SMARCC1: variants seen among roughly 807,000 people sequenced by gnomAD.
The protein encoded by SMARCC1 is SWI/SNF complex subunit SMARCC1.
Under a neutral mutation model 147.4 loss-of-function variants are expected in SMARCC1, and 43 were observed. The ratio of observed to expected loss-of-function variants is 0.29; its 90% CI spans 0.23 to 0.38. The LOEUF (loss-of-function observed/expected upper bound fraction) is 0.38. SMARCC1 is among the 10% of genes least tolerant of loss of function. The pLI is 1.00. For missense variants in SMARCC1, 1,119 were observed against 1,381.1 expected, an observed-to-expected ratio of 0.81 and a Z score of 3.01; for synonymous variants, 495 against 484.4, an observed-to-expected ratio of 1.02 and a Z score of -0.29.
chr3:47,726,858 T>G (rs2034305327), intron 6 of SMARCC1, among the ~76,000 whole-genome samples: 2 of 152,222 alleles, frequency 1.3e-5, no homozygotes, highest in African/African-American at 4.8e-5. Flanking sequence ...CATATGGTAT[T>G]TCTCCATGTT....
chr3:47,728,253 A>G (rs998959955), intron 6 of SMARCC1, among the ~76,000 whole-genome samples: 1 of 150,426 alleles, frequency 6.6e-6, no homozygotes, highest in African/African-American at 2.4e-5. Context: ...CAGCCGGCTA[A>G]TTTTTGGTAT....
At chr3:47,638,832 C>T (rs778057714) in intron 21 of SMARCC1, 52 bp from the exon 22 acceptor site, 2 of 1,246,070 alleles carry the variant, frequency 1.6e-6, no homozygotes, top group Non-Finnish European at 2.4e-6. Context: ...AAGGTAAAAG[C>T]TATTATTATA....
At position 47,737,526 on chromosome 3, in the gene SMARCC1, T is replaced by C. The variant is rs149836032; in HGVS notation, c.483+503A>G. On this transcript the variant is annotated intron_variant, in intron 4 of 27. Transcript: ENST00000254480. ...ATACTCTTAAAGACAAGATTAATCA[T>C]AGCTCTAATCCCCAAACACCCATAA... Among the ~76,000 whole-genome samples the C allele has an allele frequency of 5.3e-5, 8 of 152,296 alleles. No homozygotes were observed. In the East Asian group the frequency reaches 1.4e-3, roughly 26 times the overall value.
intron 17 of SMARCC1, among the ~76,000 whole-genome samples, chr3:47,676,415 G>A (rs747866238): frequency 6.6e-5 from 10 of 152,048 alleles, no homozygotes; most frequent in East Asian, 1.9e-4. Context: ...TAAGGCATTC[G>A]GTCTTGGGAT....
intron 3 of SMARCC1, among the ~76,000 whole-genome samples, chr3:47,739,569 A>G (rs1003278741): frequency 5.9e-5 from 9 of 152,114 alleles, no homozygotes; most frequent in Non-Finnish European, 1.3e-4. Flanking sequence ...CCTGAGCTCA[A>G]ACAATCCTCC....
intron 21 of SMARCC1, among the ~76,000 whole-genome samples, chr3:47,656,009 G>A (rs369802439): frequency 2.6e-5 from 4 of 152,082 alleles, no homozygotes; most frequent in East Asian, 1.9e-4. Flanking sequence ...TCAGGAGTTC[G>A]AGACCAGCCT....
rs79939383 is a variant in SMARCC1, at chr3:47,654,127, A to C, written c.2320+7167T>G. Among the ~76,000 whole-genome samples, 10 of 152,358 alleles carry C rather than the reference A, an allele frequency of 6.6e-5. No individual in the cohort carries two copies. The East Asian group carries it at 1.9e-3, about 29-fold the overall frequency. On this transcript the variant is annotated intron_variant, in intron 21 of 27. Transcript: ENST00000254480. ...AAATGTGTTTTCAAAACATACATGT[A>C]AAAACACATCCCTCATTTGGCAAAG...
At chr3:47,763,891 T>G (rs973416940) in intron 2 of SMARCC1, among the ~76,000 whole-genome samples, 9 of 151,746 alleles carry the variant, frequency 5.9e-5, no homozygotes, top group Non-Finnish European at 1.3e-4. Flanking sequence ...AGCTAATTTT[T>G]TTTTATTTTT....
At chr3:47,746,891 C>A (rs543705716) in intron 2 of SMARCC1, among the ~76,000 whole-genome samples, 3 of 151,934 alleles carry the variant, frequency 2.0e-5, no homozygotes, top group African/African-American at 7.2e-5. Flanking sequence ...TGACCACGCC[C>A]GGCTAATTTT....
At position 47,591,550 on chromosome 3, in the gene SMARCC1, C is replaced by G. The variant is rs188782192; in HGVS notation, c.3044-713G>C. On this transcript the variant is annotated intron_variant, in intron 26 of 27. Transcript: ENST00000254480. ...TCCCTTCCTTTCCTTTTGTTTGTTT[C>G]TTTCTTTTTTTTTTGACAGTCTCAC... Among the ~76,000 whole-genome samples, 740 of 150,952 alleles carry G rather than the reference C, an allele frequency of 4.9e-3. 5 individuals are homozygous for G. Among genetic ancestry groups the G allele is most frequent in the African/African-American group, 0.014 (576 of 41,152 alleles).
Position 47,734,735 on chromosome 3 carries a change from A to G in SMARCC1, c.576+1299T>C, listed in dbSNP as rs2034419666. Among the ~76,000 whole-genome samples, 3 of 152,330 alleles carry G rather than the reference A, an allele frequency of 2.0e-5. No homozygotes were observed. In the South Asian group the frequency reaches 6.2e-4, roughly 32 times the overall value. ...TAAGATGTCAGAACACAGTACTAGT[A>G]CATGTGTATCAAGACAAAGCAAGCT... On this transcript the variant is annotated intron_variant, in intron 5 of 27. Transcript: ENST00000254480.
chr3:47,745,051 T>A (rs1249186586), intron 3 of SMARCC1, among the ~76,000 whole-genome samples: 3 of 152,154 alleles, frequency 2.0e-5, no homozygotes, highest in African/African-American at 7.2e-5. Flanking sequence ...GTAGATCGCC[T>A]GAGGTCAGGA....
intron 2 of SMARCC1, among the ~76,000 whole-genome samples, chr3:47,750,775 T>C (rs2034619906): frequency 6.6e-6 from 1 of 152,182 alleles, no homozygotes; most frequent in African/African-American, 2.4e-5. Context: ...AGATCCACGC[T>C]ACTCAGAAAT....
At chr3:47,678,443 A>C in intron 15 of SMARCC1, 132 bp from the exon 16 acceptor site, 1 of 479,652 alleles carries the variant, frequency 2.1e-6, no homozygotes, top group Admixed American at 4.0e-5. Context: ...AAAAACATTG[A>C]TATTATATTG....
At chr3:47,677,953 C>A (rs1212118059) in intron 16 of SMARCC1, among the ~76,000 whole-genome samples, 4 of 151,776 alleles carry the variant, frequency 2.6e-5, no homozygotes, top group Admixed American at 6.6e-5. Flanking sequence ...GAGATCGAGA[C>A]CAGCCTTGGC....
chr3:47,730,306 A>G (rs912799725), intron 5 of SMARCC1, among the ~76,000 whole-genome samples: 12 of 152,212 alleles, frequency 7.9e-5, no homozygotes, highest in African/African-American at 2.9e-4. Context: ...TGGGCAACAC[A>G]GTGAGACCTT....
chr3:47,633,777 TATAC>T (rs1365696386), intron 24 of SMARCC1, among the ~76,000 whole-genome samples: 16 of 46,520 alleles, frequency 3.4e-4, no homozygotes, highest in African/African-American at 8.6e-4. Context: ...TATATATATA[TATAC>T]ACACACACAC....
At position 47,622,079 on chromosome 3, in the gene SMARCC1, G is replaced by C. The variant is rs569736973; in HGVS notation, c.2781+128C>G. ...CTTTTGAAAGGGCAAATCAAACACA[G>C]AAAAAAGGACAGAAGTTAGCCATGG... On this transcript the variant is annotated intron_variant, in intron 25 of 27. Transcript: ENST00000254480. The C allele has an allele frequency of 1.2e-5, 10 of 836,982 alleles. No individual in the cohort carries two copies. In the Admixed American group the frequency reaches 2.5e-4, roughly 21 times the overall value. The allele number at this position is 836,982 out of a possible 1,614,324, so 51.8% of individuals were successfully genotyped here.
chr3:47,604,602 A>G (rs1321909444), intron 26 of SMARCC1: 1 of 270,822 alleles, frequency 3.7e-6, no homozygotes. Flanking sequence ...AGTCCTTTTT[A>G]GCTGACCTTT....
Sources: gnomAD v4.1 joint callset for allele counts (sites outside exome capture counted in the v4.1 genomes callset) on GRCh38, gnomAD v4.1.1 for gene constraint, MANE v1.5 for transcripts, NCBI Gene and HGNC (gene_info 2026-07-23, HGNC 2026-07-21) for gene names.